CCDC60: variants seen among roughly 807,000 people sequenced by gnomAD.
CCDC60 encodes coiled-coil domain-containing protein 60.
Under a neutral mutation model 63.5 loss-of-function variants are expected in CCDC60, and 54 were observed. The observed-to-expected ratio is 0.85, with a 90% CI of 0.68 to 1.07. CCDC60 has a LOEUF of 1.07. Among genes scored for constraint, CCDC60 ranks in the 50% least tolerant of loss-of-function variants. The pLI is 0.00. For synonymous variants in CCDC60, 206 were observed against 238.8 expected (o/e 0.86, Z 1.27); for missense variants, 651 against 684.3 (o/e 0.95, Z 0.54).
intron 1 of CCDC60, among the ~76,000 whole-genome samples, chr12:119,371,876 T>G (rs1592998437): frequency 6.6e-6 from 1 of 152,248 alleles, no homozygotes; most frequent in Non-Finnish European, 1.5e-5. Context: ...TTGTGCTGAG[T>G]CTCTGTGATG....
chr12:119,450,346 C>G lies in CCDC60; in HGVS notation c.170+21584C>G, dbSNP rs112683516. On this transcript the variant is annotated intron_variant, in intron 2 of 13. Transcript: ENST00000327554. ...GTGATGGCTACATTAAAAGCACAGA[C>G]TTCATTGATATATATGCAATACACC... is the stretch of plus-strand genomic sequence containing the variant. Among the ~76,000 whole-genome samples the G allele has an allele frequency of 9.0e-3, 1,376 of 152,228 alleles. 24 individuals are homozygous for G. The highest frequency in any genetic ancestry group is 0.031 in the African/African-American group (1,293 of 41,524).
Position 119,334,967 on chromosome 12 carries a change from C to A in CCDC60, c.-210C>A. The A allele has an allele frequency of 2.2e-6, 1 of 452,456 alleles. No individual in the cohort carries two copies. Among genetic ancestry groups the A allele is most frequent in the South Asian group, 5.1e-5 (1 of 19,550 alleles). 28.0% of individuals were successfully genotyped at this position (452,456 alleles called of 1,614,324 possible). On this transcript the variant is annotated 5_prime_UTR_variant, in exon 1 of 14. Coordinates refer to ENST00000327554, the MANE Select transcript of CCDC60 (RefSeq NM_178499.5). ...ATAAGTCCAGGCTTGCCTGATTCTG[C>A]CCTACCCGGACTTCCTTATCCCGTC...
chr12:119,419,950 C>T (rs1422416681), intron 1 of CCDC60, among the ~76,000 whole-genome samples: 1 of 147,008 alleles, frequency 6.8e-6, no homozygotes, highest in Admixed American at 6.9e-5. Flanking sequence ...GATCTCGGCT[C>T]ACTGCAACCT....
intron 1 of CCDC60, among the ~76,000 whole-genome samples, chr12:119,395,364 T>C (rs532453663): frequency 1.1e-4 from 16 of 152,286 alleles, no homozygotes; most frequent in Non-Finnish European, 2.4e-4. Context: ...ACAGGAAGCA[T>C]GATGCTGGCT....
intron 2 of CCDC60, among the ~76,000 whole-genome samples, chr12:119,443,481 A>G (rs1950483628): frequency 2.0e-5 from 3 of 152,220 alleles, no homozygotes; most frequent in East Asian, 3.8e-4. Context: ...CTGGGATGCT[A>G]GACGGGAAAT....
chr12:119,532,318 C>T (rs1952867903), intron 13 of CCDC60, among the ~76,000 whole-genome samples: 1 of 151,950 alleles, frequency 6.6e-6, no homozygotes, highest in Non-Finnish European at 1.5e-5. Context: ...CTAGGGGCTC[C>T]TCTTTTATAT....
chr12:119,459,517 A>T (rs886173958), intron 2 of CCDC60, among the ~76,000 whole-genome samples: 2 of 152,196 alleles, frequency 1.3e-5, no homozygotes, highest in African/African-American at 4.8e-5. Flanking sequence ...AAAACTAGCA[A>T]ATTAGCCACA....
chr12:119,482,567 G>A (rs1269270326), intron 4 of CCDC60, among the ~76,000 whole-genome samples: 1 of 152,200 alleles, frequency 6.6e-6, no homozygotes, highest in Non-Finnish European at 1.5e-5. Context: ...ACAGGCTGTA[G>A]TTTGCTGTAG....
At chr12:119,459,834 A>G (rs1950823321) in intron 2 of CCDC60, among the ~76,000 whole-genome samples, 1 of 152,252 alleles carries the variant, frequency 6.6e-6, no homozygotes, top group Non-Finnish European at 1.5e-5. Context: ...CCAAGCTATC[A>G]TTAAGAAATC....
chr12:119,368,041 A>C (rs939081359), intron 1 of CCDC60, among the ~76,000 whole-genome samples: 57 of 149,692 alleles, frequency 3.8e-4, no homozygotes, highest in Admixed American at 3.4e-3. Flanking sequence ...TATGTCAATA[A>C]ATCTGTTTTT....
intron 1 of CCDC60, among the ~76,000 whole-genome samples, chr12:119,394,187 CA>C (rs1400906910): frequency 6.6e-6 from 1 of 152,146 alleles, no homozygotes. Context: ...GCACCTTCAC[CA>C]TGGTAGAAAT....
chr12:119,406,323 A>G (rs1040418330), intron 1 of CCDC60, among the ~76,000 whole-genome samples: 1 of 151,956 alleles, frequency 6.6e-6, no homozygotes, highest in Non-Finnish European at 1.5e-5. Context: ...CTTTATTACT[A>G]TTTTTACATT....
intron 13 of CCDC60, among the ~76,000 whole-genome samples, 192 bp from the exon 14 acceptor site, chr12:119,540,422 G>C (rs1199107002): frequency 6.6e-6 from 1 of 152,180 alleles, no homozygotes; most frequent in African/African-American, 2.4e-5. Flanking sequence ...TGCTGAGCCA[G>C]GAAGCTGGAA....
Position 119,535,424 on chromosome 12 carries a change from C to T in CCDC60, c.1551+4361C>T, listed in dbSNP as rs1457824011. On this transcript the variant is annotated intron_variant, in intron 13 of 13. Coordinates refer to ENST00000327554, the MANE Select transcript of CCDC60 (RefSeq NM_178499.5). The stretch of plus-strand genomic sequence containing the variant: ...TGTGTCTCTATCTCCTTCAGTTCTG[C>T]TCTAATCTTAGTTATTTCTTGTCTT... 2.6e-5 allele frequency among the ~76,000 whole-genome samples: 4 copies of T among 152,174 alleles called. No individual in the cohort carries two copies. In the East Asian group the frequency reaches 5.8e-4, roughly 22 times the overall value.
chr12:119,416,236 G>A (rs181713509), intron 1 of CCDC60, among the ~76,000 whole-genome samples: 4 of 152,066 alleles, frequency 2.6e-5, no homozygotes, highest in Admixed American at 6.5e-5. Flanking sequence ...CAAATTAGCC[G>A]GGCGAGGTGT....
intron 1 of CCDC60, among the ~76,000 whole-genome samples, chr12:119,386,825 G>A (rs1956068473): frequency 6.6e-6 from 1 of 152,114 alleles, no homozygotes; most frequent in Admixed American, 6.5e-5. Context: ...ATTACCAACC[G>A]AGCATTGCGA....
rs1952757500 is a variant in CCDC60, at chr12:119,528,674, A to G, written c.1289A>G (p.Gln430Arg). ...GCTTTTGTCCTTGTCTCAAATTTTC[A>G]AAAGGACATAGCAAAAATGAGACAT... ...FRAFVLVSNF[Q>R]KDIAKMRHHI... Residue 430 changes from glutamine to arginine, a missense_variant, in exon 12 of 14, where the codon CAA becomes CGA. Transcript: ENST00000327554. The G allele has an allele frequency of 6.2e-7, 1 of 1,613,952 alleles. No individual in the cohort carries two copies. Among genetic ancestry groups the G allele is most frequent in the Admixed American group, 1.7e-5 (1 of 59,992 alleles).
At chr12:119,386,867 T>G (rs184071064) in intron 1 of CCDC60, among the ~76,000 whole-genome samples, 1 of 152,146 alleles carries the variant, frequency 6.6e-6, no homozygotes, top group Non-Finnish European at 1.5e-5. Context: ...GGTCAAATTC[T>G]TATGGTTCCA....
chr12:119,403,396 G>A (rs943754769), intron 1 of CCDC60, among the ~76,000 whole-genome samples: 3 of 152,156 alleles, frequency 2.0e-5, no homozygotes, highest in Admixed American at 6.5e-5. Context: ...AACTAGTACC[G>A]TCTAGCTGCC....
Sources: allele counts gnomAD v4.1 joint callset (sites outside exome capture counted in the v4.1 genomes callset), GRCh38; gene constraint gnomAD v4.1.1; transcripts MANE v1.5; gene names NCBI Gene and HGNC (gene_info 2026-07-23, HGNC 2026-07-21).